Variants in TENM2 observed in about 807,000 individuals in gnomAD.
TENM2 encodes the protein teneurin-2.
A neutral mutation model predicts 245.2 loss-of-function variants in TENM2; 52 were observed. The observed-to-expected ratio is 0.21, with a 90% confidence interval of 0.17 to 0.27. The LOEUF is 0.27. Among genes scored for constraint, TENM2 ranks in the 10% least tolerant of loss-of-function variants. The pLI is 1.00. For missense variants in TENM2, 3,046 were observed against 3,666.8 expected, an observed-to-expected ratio of 0.83 and a Z score of 4.37; for synonymous variants, 1,363 against 1,438.9, an observed-to-expected ratio of 0.95 and a Z score of 1.19.
At position 167,735,783 on chromosome 5, in the gene TENM2, G is replaced by A. The variant is rs574408439; in HGVS notation, c.503-140203G>A. Reference sequence around the variant, plus strand: ...ATCATACCACTGCACTCCAGCCTGGGCGATAGAGTGAGACCCTGTCTCACA... The same window carrying A: ...ATCATACCACTGCACTCCAGCCTGGACGATAGAGTGAGACCCTGTCTCACA... On this transcript the variant is annotated intron_variant, in intron 2 of 28. Coordinates refer to ENST00000518659, the Ensembl canonical transcript of TENM2. Among the ~76,000 whole-genome samples, 7 of 152,168 alleles carry A rather than the reference G, an allele frequency of 4.6e-5. No homozygotes were observed. The South Asian group carries it at 1.5e-3, about 32-fold the overall frequency.
At chr5:167,336,616 GT>G (rs1163998633) in intron 1 of TENM2, among the ~76,000 whole-genome samples, 1 of 152,010 alleles carries the variant, frequency 6.6e-6, no homozygotes, top group Admixed American at 6.6e-5. Context: ...ACAAAGCATA[GT>G]CCAGCAAACT....
chr5:167,090,284 G>GT, the TENM2 span, among the ~76,000 whole-genome samples: 13,782 of 141,386 alleles, frequency 0.097, 1,929 homozygotes, highest in African/African-American at 0.31. Context: ...CATTTCAAAG[G>GT]TTTTTTTTTT....
At chr5:167,457,830 T>G (rs1766015418) in intron 2 of TENM2, among the ~76,000 whole-genome samples, 2 of 152,188 alleles carry the variant, frequency 1.3e-5, no homozygotes, top group African/African-American at 2.4e-5. Context: ...CTCAGAGACT[T>G]TAATCTGAGT....
chr5:168,237,103 C>T (rs1765576858), intron 25 of TENM2, among the ~76,000 whole-genome samples: 1 of 139,840 alleles, frequency 7.2e-6, no homozygotes, highest in Admixed American at 7.2e-5. Context: ...GCAACCTCCA[C>T]CTCCCGGGTT....
chr5:167,999,845 A>G (rs906435827), intron 5 of TENM2, among the ~76,000 whole-genome samples: 2 of 152,238 alleles, frequency 1.3e-5, no homozygotes, highest in African/African-American at 4.8e-5. Context: ...TTTGTAGAAC[A>G]TCGTAATACA....
At chr5:168,158,850 T>TATAC (rs1339051385) in intron 12 of TENM2, among the ~76,000 whole-genome samples, 7 of 62,332 alleles carry the variant, frequency 1.1e-4, no homozygotes, top group Non-Finnish European at 1.9e-4. Context: ...TATATATATA[T>TATAC]ACACACACAC....
intron 3 of TENM2, among the ~76,000 whole-genome samples, chr5:167,941,755 TAGTC>T (rs1219797366): frequency 2.6e-5 from 4 of 151,324 alleles, no homozygotes; most frequent in African/African-American, 9.7e-5. Context: ...TTGGAAGACT[TAGTC>T]AGGAAGATTG....
At chr5:167,175,659 C>T in the TENM2 span, among the ~76,000 whole-genome samples, 1 of 152,174 alleles carries the variant, frequency 6.6e-6, no homozygotes, top group Non-Finnish European at 1.5e-5. Flanking sequence ...TTCCTCTGGC[C>T]TGAACTCTCA....
intron 2 of TENM2, among the ~76,000 whole-genome samples, chr5:167,765,478 G>A (rs1024689258): frequency 9.9e-5 from 15 of 152,142 alleles, no homozygotes; most frequent in African/African-American, 3.6e-4. Flanking sequence ...TCTGCCAGCT[G>A]GTTTTGTGCC....
At chr5:167,545,418 A>G (rs546773126) in intron 2 of TENM2, among the ~76,000 whole-genome samples, 102 of 152,354 alleles carry the variant, frequency 6.7e-4, no homozygotes, top group African/African-American at 2.4e-3. Context: ...CCTCTTCTCT[A>G]TAATGATATT....
intron 2 of TENM2, among the ~76,000 whole-genome samples, chr5:167,492,616 T>A (rs1221860089): frequency 1.3e-5 from 2 of 152,158 alleles, no homozygotes; most frequent in Non-Finnish European, 2.9e-5. Flanking sequence ...TATGGCAATT[T>A]TTAATACTTT....
intron 2 of TENM2, among the ~76,000 whole-genome samples, chr5:167,449,418 A>G (rs1019411854): frequency 3.3e-5 from 5 of 152,116 alleles, no homozygotes; most frequent in African/African-American, 1.2e-4. Context: ...CCCTGCAGAC[A>G]TAACGCCTCA....
intron 5 of TENM2, among the ~76,000 whole-genome samples, chr5:168,006,300 A>G (rs533104878): frequency 1.3e-5 from 2 of 152,300 alleles, no homozygotes; most frequent in South Asian, 4.1e-4. Flanking sequence ...AAGACTTAAC[A>G]TCGCTACCCT....
chr5:167,431,340 T>C (rs1561949540), intron 2 of TENM2, among the ~76,000 whole-genome samples: 1 of 152,214 alleles, frequency 6.6e-6, no homozygotes, highest in East Asian at 1.9e-4. Context: ...CATATTTAGG[T>C]TGATAGCAAA....
intron 2 of TENM2, among the ~76,000 whole-genome samples, chr5:167,837,912 A>C (rs1769152699): frequency 6.6e-6 from 1 of 152,142 alleles, no homozygotes; most frequent in African/African-American, 2.4e-5. Flanking sequence ...TGTCCCAGGG[A>C]CCTTGAAGTC....
chr5:167,571,684 C>G (rs1774273281), intron 2 of TENM2, among the ~76,000 whole-genome samples: 1 of 152,184 alleles, frequency 6.6e-6, no homozygotes, highest in South Asian at 2.1e-4. Context: ...CTTTTTATCT[C>G]TCATTGACAA....
the TENM2 span, among the ~76,000 whole-genome samples, chr5:167,005,949 C>A: frequency 6.6e-6 from 1 of 151,940 alleles, no homozygotes; most frequent in African/African-American, 2.4e-5. Context: ...TGTGAGCCAC[C>A]GTGCCTGGTG....
At chr5:168,108,061 A>G (rs762945185) in intron 9 of TENM2, among the ~76,000 whole-genome samples, 3 of 152,248 alleles carry the variant, frequency 2.0e-5, no homozygotes, top group African/African-American at 4.8e-5. Context: ...TAGAGGAAGC[A>G]AGGCTTATAA....
At chr5:167,591,344 G>A (rs965422070) in intron 2 of TENM2, among the ~76,000 whole-genome samples, 3 of 152,128 alleles carry the variant, frequency 2.0e-5, no homozygotes, top group Non-Finnish European at 4.4e-5. Flanking sequence ...GCTATTTTTT[G>A]AAGACAGAGA....
Sources: allele counts gnomAD v4.1 joint callset (sites outside exome capture counted in the v4.1 genomes callset), GRCh38; gene constraint gnomAD v4.1.1; transcripts MANE v1.5; gene names NCBI Gene and HGNC (gene_info 2026-07-23, HGNC 2026-07-21).